EP300: variants seen among roughly 807,000 people sequenced by gnomAD.
EP300 encodes EP300 lysine acetyltransferase, also known as histone acetyltransferase p300.
In EP300, 31 loss-of-function variants were observed where a neutral mutation model predicts 264.0. The ratio of observed to expected loss-of-function variants is 0.12; its 90% CI spans 0.09 to 0.16. EP300 has a LOEUF of 0.16. Ranked by LOEUF, EP300 falls within the 10% of genes least tolerant of loss-of-function variation. The pLI, the probability that EP300 is intolerant of heterozygous loss-of-function variation, is 1.00. For synonymous variants in EP300, 1,340 were observed against 1,045.4 expected (o/e 1.28, Z -5.44); for missense variants, 2,766 against 3,052.9 (o/e 0.91, Z 2.21).
chr22:41,130,947 T>C (rs903651436), intron 5 of EP300, among the ~76,000 whole-genome samples: 1 of 152,144 alleles, frequency 6.6e-6, no homozygotes, highest in Non-Finnish European at 1.5e-5. Flanking sequence ...TGGAATTAAA[T>C]TTTATAACAA....
At position 41,177,880 on chromosome 22, in the gene EP300, A is replaced by T; in HGVS notation, c.6169A>T (p.Thr2057Ser). ...SQQALQNLLR[T>S]LRSPSSPLQQ... ...ACAAGCCTTACAAAACCTTTTGCGG[A>T]CTCTCAGGTCTCCCAGCTCTCCCCT... The change falls in exon 31 of 31, where the codon ACT becomes TCT. Residue 2057 changes from threonine to serine, a missense_variant. Physicochemically the swap from Thr to Ser is moderately conservative, Grantham distance 58. Transcript: ENST00000263253. The T allele has an allele frequency of 6.2e-7, 1 of 1,614,014 alleles. No homozygotes were observed. The highest frequency in any genetic ancestry group is 8.5e-7 in the Non-Finnish European group (1 of 1,179,974).
intron 2 of EP300, among the ~76,000 whole-genome samples, chr22:41,119,795 T>C (rs1471338591): frequency 2.0e-5 from 3 of 152,186 alleles, no homozygotes; most frequent in African/African-American, 7.2e-5. Flanking sequence ...TTTAAACTTC[T>C]GTTAAACGAT....
rs780933590 is a variant in EP300 at position 41,149,877 on chromosome 22, C to G, written c.2496C>G (p.Pro832=). ...AACCAGCTCTTCATCAGAATTCACCCTCGCCTGTACCTAGTCGTACCCCCA... is the reference window on the plus strand; with the variant it reads ...AACCAGCTCTTCATCAGAATTCACCGTCGCCTGTACCTAGTCGTACCCCCA... ...LPQPALHQNS[P]SPVPSRTPTP... The change falls in exon 14 of 31, where the codon CCC becomes CCG. Residue 832 remains proline, a synonymous_variant. Coordinates refer to ENST00000263253, the MANE Select transcript of EP300 (RefSeq NM_001429.4). The G allele has an allele frequency of 8.1e-6, 13 of 1,613,966 alleles. No individual in the cohort carries two copies. Among genetic ancestry groups the G allele is most frequent in the Non-Finnish European group, 1.1e-5 (13 of 1,180,036 alleles).
At chr22:41,102,228 T>A (rs1244744744) in intron 1 of EP300, among the ~76,000 whole-genome samples, 1 of 152,090 alleles carries the variant, frequency 6.6e-6, no homozygotes, top group Non-Finnish European at 1.5e-5. Context: ...TCCTGGAGTT[T>A]ATAGATAAGG....
chr22:41,098,915 A>G (rs558056764), intron 1 of EP300, among the ~76,000 whole-genome samples: 121 of 152,256 alleles, frequency 7.9e-4, no homozygotes, highest in African/African-American at 2.9e-3. Context: ...CCCACCTTAC[A>G]GGATTGTGGT....
chr22:41,150,195 T>C lies in EP300; in HGVS notation c.2814T>C (p.Thr938=), dbSNP rs2059036134. ...CGCTGCTTCCTCCGCAGCCTGCAAC[T>C]CCAGTAAGTAGAGATTTGGATTTAG... The part of the protein sequence containing the change: ...TAPLLPPQPA[T]PLSQPAVSIE... Residue 938 remains threonine, a synonymous_variant, in exon 14 of 31, where the codon ACT becomes ACC. Coordinates refer to ENST00000263253, the MANE Select transcript of EP300 (RefSeq NM_001429.4). 1 of 1,604,858 alleles carries C rather than the reference T, an allele frequency of 6.2e-7. No individual in the cohort carries two copies. Among genetic ancestry groups the C allele is most frequent in the Non-Finnish European group, 8.5e-7 (1 of 1,178,082 alleles).
chr22:41,173,582 C>T (rs761618907), intron 28 of EP300, 41 bp from the exon 29 acceptor site: 2 of 1,610,612 alleles, frequency 1.2e-6, no homozygotes, highest in East Asian at 2.2e-5. Context: ...AATTACTTAA[C>T]AAAAACCTTA....
At chr22:41,140,024 A>G (rs1365685702) in intron 8 of EP300, 116 bp from the exon 9 acceptor site, 6 of 775,320 alleles carry the variant, frequency 7.7e-6, no homozygotes, top group Non-Finnish European at 1.4e-5. Flanking sequence ...AGTAAGTAAT[A>G]TATATCACCT....
Position 41,177,307 on chromosome 22 carries a change from C to A in EP300, c.5596C>A (p.Pro1866Thr). Residue 1866 changes from proline to threonine, a missense_variant, in exon 31 of 31, where the codon CCG becomes ACG. By Grantham distance (38) the Pro-to-Thr change is conservative (BLOSUM62 -1). Transcript: ENST00000263253. ...TTPTGQQPTT[P>T]QTPQPTSQPQ... ...ACCAACTGGCCAACAGCCAACCACC[C>A]CGCAGACGCCCCAGCCCACTTCTCA... is the stretch of plus-strand genomic sequence containing the variant. The A allele has an allele frequency of 6.2e-7, 1 of 1,614,098 alleles. No individual in the cohort carries two copies. The highest frequency in any genetic ancestry group is 8.5e-7 in the Non-Finnish European group (1 of 1,180,024).
In EP300 at chr22:41,178,769, C is replaced by G. The variant is rs762065374; in HGVS notation, c.7058C>G (p.Ala2353Gly). Reference protein sequence around the residue: ...QTSSPHPGLVAAQANPMEQGH... With the variant: ...QTSSPHPGLVGAQANPMEQGH... The stretch of plus-strand genomic sequence containing the variant: ...AGTTCCCCACATCCTGGACTGGTAG[C>G]TGCCCAGGCCAACCCCATGGAACAA... The change falls in exon 31 of 31, where the codon GCT becomes GGT. Residue 2353 changes from alanine (A) to glycine (G), a missense_variant. Coordinates refer to ENST00000263253, the MANE Select transcript of EP300 (RefSeq NM_001429.4). The G allele has an allele frequency of 1.2e-6, 2 of 1,614,164 alleles. No individual in the cohort carries two copies.
chr22:41,098,774 A>G (rs749827010), intron 1 of EP300, among the ~76,000 whole-genome samples: 1 of 152,162 alleles, frequency 6.6e-6, no homozygotes, highest in Non-Finnish European at 1.5e-5. Context: ...GCTAGAGTTC[A>G]TAGCCCAGGC....
chr22:41,163,249 A>C (rs1374812446), intron 21 of EP300, among the ~76,000 whole-genome samples: 2 of 149,718 alleles, frequency 1.3e-5, no homozygotes, highest in Non-Finnish European at 3.0e-5. Flanking sequence ...TCCCGGCTAA[A>C]ACGGTGAAAC....
Position 41,179,075 on chromosome 22 carries a change from T to C in EP300, c.*119T>C, listed in dbSNP as rs1416993374. 3 of 1,231,554 alleles carry C rather than the reference T, an allele frequency of 2.4e-6. No individual in the cohort carries two copies. Among genetic ancestry groups the C allele is most frequent in the East Asian group, 2.5e-5 (1 of 40,748 alleles). The allele number at this position is 1,231,554 out of a possible 1,614,324, so 76.3% of individuals were successfully genotyped here. A position where few individuals can be genotyped will look rare whatever the true frequency, so the allele number is the denominator to read the frequency against. On this transcript the variant is annotated 3_prime_UTR_variant, in exon 31 of 31. Transcript: ENST00000263253. ...AAAAGACAATTTTCCTTGGAACACA[T>C]AAGAACTGTGCAGTAGCCGTTTGTG...
chr22:41,098,039 T>C (rs551168082), intron 1 of EP300, among the ~76,000 whole-genome samples: 15 of 152,140 alleles, frequency 9.9e-5, no homozygotes, highest in African/African-American at 3.6e-4. Flanking sequence ...AGGATACATG[T>C]GCACAACGTG....
intron 10 of EP300, 117 bp from the exon 11 acceptor site, chr22:41,146,622 A>G (rs938044006): frequency 4.0e-5 from 34 of 851,180 alleles, no homozygotes; most frequent in Non-Finnish European, 5.5e-5. Flanking sequence ...TTTGTGATTC[A>G]TACTCAATTT....
At chr22:41,135,340 C>A (rs192233456) in intron 6 of EP300, among the ~76,000 whole-genome samples, 1 of 152,042 alleles carries the variant, frequency 6.6e-6, no homozygotes, top group Non-Finnish European at 1.5e-5. Context: ...GTTTATAGTT[C>A]CTATTATAGC....
rs370478867 is a variant in EP300 at position 41,149,041 on chromosome 22, A to G, written c.2245A>G (p.Met749Val). 1.1e-5 allele frequency: 17 copies of G among 1,607,146 alleles called. No individual in the cohort carries two copies. In the African/African-American group the frequency reaches 1.8e-4, roughly 17 times the overall value. Reference sequence around the variant, plus strand: ...TTGTGTTTTTTTTTTTTTTCAGCCTATGGGCTATGGGCCTCGTATGCAACA... The same window carrying G: ...TTGTGTTTTTTTTTTTTTTCAGCCTGTGGGCTATGGGCCTCGTATGCAACA... ...LAQPGALNPP[M>V]GYGPRMQQPS... The change falls in exon 13 of 31, where the codon ATG (methionine) becomes GTG (valine). Residue 749 changes from methionine (M) to valine (V), a missense_variant. Met to Val is a conservative substitution (Grantham distance 21). Coordinates refer to ENST00000263253, the MANE Select transcript of EP300 (RefSeq NM_001429.4).
chr22:41,170,637 T>C, intron 27 of EP300, 66 bp downstream of exon 27: 1 of 1,432,616 alleles, frequency 7.0e-7, no homozygotes, highest in Non-Finnish European at 9.8e-7. Flanking sequence ...TTGCTGCTCT[T>C]TGTTCTGTCA....
chr22:41,149,691 T>C, intron 13 of EP300, 70 bp from the exon 14 acceptor site: 1 of 1,484,330 alleles, frequency 6.7e-7, no homozygotes, highest in Non-Finnish European at 9.3e-7. Flanking sequence ...AATTTATATA[T>C]CATGCCTATG....
Sources: allele counts gnomAD v4.1 joint callset (sites outside exome capture counted in the v4.1 genomes callset), GRCh38; gene constraint gnomAD v4.1.1; transcripts MANE v1.5; gene names NCBI Gene and HGNC (gene_info 2026-07-23, HGNC 2026-07-21).